The following ATP9B variants were observed in gnomAD, a reference collection of about 807,000 sequenced individuals.
ATP9B encodes the protein probable phospholipid-transporting ATPase IIB.
In ATP9B, 110 loss-of-function variants were observed where a neutral mutation model predicts 146.1. That is an observed-to-expected ratio of 0.75 (90% confidence interval 0.65 to 0.88). ATP9B has a LOEUF of 0.88. Among genes scored for constraint, ATP9B ranks in the 40% least tolerant of loss-of-function variants. The pLI is 0.00. For synonymous variants in ATP9B, 604 were observed against 569.7 expected, an observed-to-expected ratio of 1.06 and a Z score of -0.86; for missense variants, 1,499 against 1,496.4, an observed-to-expected ratio of 1.00 and a Z score of -0.03.
chr18:79,078,529 G>C lies in ATP9B; in HGVS notation c.119+9000G>C, dbSNP rs117357499. Among the ~76,000 whole-genome samples, 680 of 152,020 alleles carry C rather than the reference G, an allele frequency of 4.5e-3. 5 individuals carry two copies. Among genetic ancestry groups the C allele is most frequent in the South Asian group, 7.3e-3 (35 of 4,816 alleles). ...GGTCTAGAACTGGAAGGAAGGAGCAGTTTACATTTTTTCTTTTTTCTTCTT... is the reference window on the plus strand; with the variant it reads ...GGTCTAGAACTGGAAGGAAGGAGCACTTTACATTTTTTCTTTTTTCTTCTT... On this transcript the variant is annotated intron_variant, in intron 1 of 29. Coordinates refer to ENST00000426216, the MANE Select transcript of ATP9B (RefSeq NM_198531.5).
intron 5 of ATP9B, among the ~76,000 whole-genome samples, chr18:79,142,215 A>G (rs1295761216): frequency 6.6e-6 from 1 of 152,202 alleles, no homozygotes; most frequent in Non-Finnish European, 1.5e-5. Flanking sequence ...ATTAATCGTG[A>G]TCACTATATA....
At chr18:79,206,816 C>G (rs2095538563) in intron 9 of ATP9B, 121 bp from the exon 10 acceptor site, 3 of 833,168 alleles carry the variant, frequency 3.6e-6, no homozygotes, top group Non-Finnish European at 5.6e-6. Context: ...TTTGCAGTGC[C>G]TTTGCACTGC....
In ATP9B at chr18:79,183,053, A is replaced by T. The variant is rs550677819; in HGVS notation, c.873+6146A>T. ...TTTGGTATAAATCCTTTCTGACAGT[A>T]CCTTCCCCTAGCCACATTCTTGCAT... is the stretch of plus-strand genomic sequence containing the variant. On this transcript the variant is annotated intron_variant, in intron 8 of 29. Transcript: ENST00000426216. Among the ~76,000 whole-genome samples the T allele has an allele frequency of 1.9e-4, 29 of 152,310 alleles. No individual in the cohort carries two copies. The South Asian group carries it at 4.1e-3, about 22-fold the overall frequency.
intron 1 of ATP9B, among the ~76,000 whole-genome samples, chr18:79,074,704 C>G (rs1481636530): frequency 6.6e-6 from 1 of 152,230 alleles, no homozygotes; most frequent in Non-Finnish European, 1.5e-5. Flanking sequence ...CAGGAAGTCA[C>G]TGCTGCCTTC....
intron 29 of ATP9B, among the ~76,000 whole-genome samples, chr18:79,376,783 C>T (rs2148065902): frequency 6.6e-6 from 1 of 151,772 alleles, no homozygotes; most frequent in Admixed American, 6.6e-5. Context: ...CACCCTCCAC[C>T]TCCCGGGTTC....
chr18:79,322,677 A>G (rs542140027), intron 15 of ATP9B, among the ~76,000 whole-genome samples: 5 of 152,340 alleles, frequency 3.3e-5, no homozygotes, highest in African/African-American at 1.2e-4. Flanking sequence ...TATTTGTGTA[A>G]TTTATGTTCT....
chr18:79,136,177 T>A lies in ATP9B; in HGVS notation c.668-7625T>A, dbSNP rs1275017727. Among the ~76,000 whole-genome samples the A allele has an allele frequency of 3.3e-5, 5 of 152,364 alleles. No homozygotes were observed. The East Asian group carries it at 9.6e-4, about 29-fold the overall frequency. ...TAATACAACTAATACTAGTGTATTA[T>A]TTGGCTTACCAATTTCTACAAAAAA... On this transcript the variant is annotated intron_variant, in intron 5 of 29. Transcript: ENST00000426216.
chr18:79,342,217 A>G, intron 19 of ATP9B, 51 bp from the exon 20 acceptor site: 3 of 1,408,680 alleles, frequency 2.1e-6, no homozygotes, highest in African/African-American at 1.4e-5. Context: ...GACATCAGAA[A>G]TGAACGTGTC....
intron 26 of ATP9B, chr18:79,359,847 G>T (rs1268996348): frequency 4.3e-6 from 1 of 230,140 alleles, no homozygotes; most frequent in Non-Finnish European, 8.9e-6. Flanking sequence ...TGCACCTGCT[G>T]CAGAAATAGC....
At chr18:79,106,727 A>G (rs1214073222) in intron 2 of ATP9B, among the ~76,000 whole-genome samples, 1 of 152,208 alleles carries the variant, frequency 6.6e-6, no homozygotes, top group East Asian at 1.9e-4. Flanking sequence ...AGAGGAAAAA[A>G]CTGAGTAAAA....
intron 11 of ATP9B, 95 bp from the exon 12 acceptor site, chr18:79,253,285 AG>A (rs1568500320): frequency 9.0e-7 from 1 of 1,112,830 alleles, no homozygotes; most frequent in African/African-American, 1.6e-5. Flanking sequence ...TAAATTTTAA[AG>A]TTTTTTTTTT....
intron 21 of ATP9B, among the ~76,000 whole-genome samples, 162 bp from the exon 22 acceptor site, chr18:79,345,266 C>T (rs528906110): frequency 2.0e-4 from 30 of 152,180 alleles, no homozygotes; most frequent in Middle Eastern, 3.4e-3. Context: ...TTTTATTTTC[C>T]CCTGTCCGTG....
intron 8 of ATP9B, among the ~76,000 whole-genome samples, chr18:79,188,306 A>G (rs773931294): frequency 1.6e-4 from 24 of 152,252 alleles, no homozygotes; most frequent in Non-Finnish European, 1.9e-4. Flanking sequence ...AAAAAAGTAA[A>G]TAAGAGTGGA....
chr18:79,331,186 C>T (rs777653657), intron 17 of ATP9B, among the ~76,000 whole-genome samples: 3 of 152,216 alleles, frequency 2.0e-5, no homozygotes, highest in African/African-American at 4.8e-5. Context: ...TTCAGAGTCT[C>T]TCCTCCCACC....
rs531490590 is a variant in ATP9B at position 79,239,358 on chromosome 18, A to G, written c.1108-14023A>G. Among the ~76,000 whole-genome samples the G allele has an allele frequency of 6.6e-6, 1 of 152,334 alleles. No homozygotes were observed. The highest frequency in any genetic ancestry group is 1.9e-4 in the East Asian group (1 of 5,184). On this transcript the variant is annotated intron_variant, in intron 11 of 29. Coordinates refer to ENST00000426216, the MANE Select transcript of ATP9B (RefSeq NM_198531.5). This position sits in a 1 kb window ranked among gnomAD's most constrained non-coding sequence, Gnocchi z 5.1. ...GAGGTTGGGAATTTACAACAAACCA[A>G]ATTAAATGATGGTGTTTCTTGCAGA...
rs1416120875 is a variant in ATP9B, at chr18:79,249,674, A to C, written c.1108-3707A>C. On this transcript the variant is annotated intron_variant, in intron 11 of 29. Coordinates refer to ENST00000426216, the MANE Select transcript of ATP9B (RefSeq NM_198531.5). Reference sequence around the variant, plus strand: ...TATAGAATCTGTAACTTTATAAGTTAACTGGTTTTTATTTTAAATAGTTTA... The same window carrying C: ...TATAGAATCTGTAACTTTATAAGTTCACTGGTTTTTATTTTAAATAGTTTA... Among the ~76,000 whole-genome samples, 3 of 152,204 alleles carry C rather than the reference A, an allele frequency of 2.0e-5. No homozygotes were observed. In the East Asian group the frequency reaches 5.8e-4, roughly 29 times the overall value.
chr18:79,134,307 C>T (rs1266156254), intron 5 of ATP9B, among the ~76,000 whole-genome samples: 1 of 152,198 alleles, frequency 6.6e-6, no homozygotes, highest in African/African-American at 2.4e-5. Context: ...TTAGAGAGTT[C>T]TGCCTCGATT....
intron 25 of ATP9B, among the ~76,000 whole-genome samples, chr18:79,348,476 G>A (rs1232745569): frequency 6.6e-6 from 1 of 152,206 alleles, no homozygotes; most frequent in African/African-American, 2.4e-5. Context: ...AAAGGGTCCC[G>A]TGGCAGAAGG....
intron 7 of ATP9B, among the ~76,000 whole-genome samples, chr18:79,164,291 A>G (rs920525467): frequency 5.3e-5 from 8 of 152,148 alleles, no homozygotes; most frequent in Non-Finnish European, 7.3e-5. Context: ...GATAACGCCA[A>G]TAACTGGAGA....
Sources: allele counts gnomAD v4.1 joint callset (sites outside exome capture counted in the v4.1 genomes callset), GRCh38; gene constraint gnomAD v4.1.1; non-coding constraint Gnocchi (gnomAD v3.1); transcripts MANE v1.5; gene names NCBI Gene and HGNC (gene_info 2026-07-23, HGNC 2026-07-21).